The following NHSL1 variants were observed in gnomAD, a reference collection of about 807,000 sequenced individuals.
The protein encoded by NHSL1 is NHS like 1, also known as NHS-like protein 1.
NHSL1 carries 48 observed loss-of-function variants against 95.0 expected under a neutral mutation model. The observed-to-expected ratio is 0.51, with a 90% CI of 0.40 to 0.64. NHSL1 has a LOEUF of 0.64. Among genes scored for constraint, NHSL1 ranks in the 30% least tolerant of loss-of-function variants. The pLI, the probability that NHSL1 is intolerant of heterozygous loss-of-function variation, is 0.00. For synonymous variants in NHSL1, 783 were observed against 833.9 expected, an observed-to-expected ratio of 0.94 and a Z score of 1.05; for missense variants, 1,971 against 2,077.7, an observed-to-expected ratio of 0.95 and a Z score of 1.00.
intron 1 of NHSL1, among the ~76,000 whole-genome samples, chr6:138,595,666 A>T (rs1031860188): frequency 1.3e-5 from 2 of 152,248 alleles, no homozygotes; most frequent in African/African-American, 4.8e-5. Flanking sequence ...CAATTATAAA[A>T]AGATTCTCTC....
exon 1 of NHSL1, chr6:138,545,648 G>T (rs1474416751): frequency 7.8e-7 from 1 of 1,289,362 alleles, no homozygotes; most frequent in African/African-American, 1.5e-5. Flanking sequence ...TTCTGCAGCA[G>T]TTCCATGGAG....
At chr6:138,689,056 T>C (rs1358198111) in intron 1 of NHSL1, among the ~76,000 whole-genome samples, 1 of 152,224 alleles carries the variant, frequency 6.6e-6, no homozygotes, top group Non-Finnish European at 1.5e-5. Flanking sequence ...TGGCCTCAAC[T>C]GATCCACCTG....
At chr6:138,570,563 A>G (rs1172622409) in intron 1 of NHSL1, among the ~76,000 whole-genome samples, 1 of 152,232 alleles carries the variant, frequency 6.6e-6, no homozygotes, top group East Asian at 1.9e-4. Flanking sequence ...ATCTTCAAAG[A>G]TTATTAGCTA....
At chr6:138,456,474 A>C (rs1433139500) in intron 3 of NHSL1, among the ~76,000 whole-genome samples, 2 of 152,242 alleles carry the variant, frequency 1.3e-5, no homozygotes. Context: ...AACAGGAAAC[A>C]GGGAAATTTC....
At chr6:138,545,760 G>A (rs1782769220), upstream of NHSL1, 1 of 1,213,770 alleles carries the variant, frequency 8.2e-7, no homozygotes, top group Non-Finnish European at 1.0e-6. Flanking sequence ...CGGCCAGCCA[G>A]CGCCTGTTAC....
chr6:138,437,024 C>CA (rs1776147312), intron 5 of NHSL1, among the ~76,000 whole-genome samples: 1 of 152,114 alleles, frequency 6.6e-6, no homozygotes, highest in Admixed American at 6.5e-5. Context: ...GTAATCCCAA[C>CA]ACTTTGGGAG....
chr6:138,509,135 G>A (rs202176934), intron 1 of NHSL1, among the ~76,000 whole-genome samples: 12 of 152,290 alleles, frequency 7.9e-5, no homozygotes, highest in East Asian at 1.9e-4. Flanking sequence ...GAACATCTTA[G>A]AGAATACTTT....
chr6:138,681,219 A>G (rs1785507580), intron 1 of NHSL1, among the ~76,000 whole-genome samples: 1 of 152,196 alleles, frequency 6.6e-6, no homozygotes, highest in Non-Finnish European at 1.5e-5. Flanking sequence ...AGGGGAAAAT[A>G]ACATAAATTA....
At chr6:138,654,953 C>T (rs1785138485) in intron 1 of NHSL1, among the ~76,000 whole-genome samples, 1 of 152,134 alleles carries the variant, frequency 6.6e-6, no homozygotes, top group Non-Finnish European at 1.5e-5. Context: ...ACAGTGTCTG[C>T]TCTATAAGCT....
intron 1 of NHSL1, among the ~76,000 whole-genome samples, chr6:138,660,867 G>C (rs982053524): frequency 6.6e-6 from 1 of 152,066 alleles, no homozygotes. Flanking sequence ...GCTGAGGCTG[G>C]TGGACCATGA....
At chr6:138,501,667 A>T (rs1780688209), upstream of NHSL1, among the ~76,000 whole-genome samples, 6 of 152,246 alleles carry the variant, frequency 3.9e-5, no homozygotes, top group Admixed American at 3.9e-4. Context: ...CTGTAGGAAG[A>T]ATCTTGCATG....
chr6:138,501,890 A>C (rs1780700615), upstream of NHSL1, among the ~76,000 whole-genome samples: 1 of 152,222 alleles, frequency 6.6e-6, no homozygotes, highest in Non-Finnish European at 1.5e-5. Flanking sequence ...ATACAATGTA[A>C]ATGCTACGTA....
intron 1 of NHSL1, among the ~76,000 whole-genome samples, chr6:138,613,596 C>A (rs1352255864): frequency 6.6e-6 from 1 of 152,194 alleles, no homozygotes; most frequent in Non-Finnish European, 1.5e-5. Flanking sequence ...CATGGCCATG[C>A]CACCTGTCCA....
chr6:138,535,836 G>T (rs535573598), intron 1 of NHSL1, among the ~76,000 whole-genome samples: 1 of 152,282 alleles, frequency 6.6e-6, no homozygotes, highest in African/African-American at 2.4e-5. Context: ...CATTGACTAG[G>T]AATTATCGTA....
At chr6:138,627,666 G>A (rs1562396148) in intron 1 of NHSL1, among the ~76,000 whole-genome samples, 1 of 151,114 alleles carries the variant, frequency 6.6e-6, no homozygotes, top group Non-Finnish European at 1.5e-5. Context: ...GGTGGATCAC[G>A]AGGTCAGGAG....
intron 1 of NHSL1, among the ~76,000 whole-genome samples, chr6:138,583,641 C>T (rs958691900): frequency 6.6e-6 from 1 of 152,184 alleles, no homozygotes; most frequent in Non-Finnish European, 1.5e-5. Flanking sequence ...AAGCACTAAA[C>T]TGATGTTTGT....
At chr6:138,689,285 G>T (rs1785627780) in intron 1 of NHSL1, among the ~76,000 whole-genome samples, 1 of 152,060 alleles carries the variant, frequency 6.6e-6, no homozygotes, top group Admixed American at 6.5e-5. Context: ...GGTAAATGTG[G>T]TGATCGAGGT....
chr6:138,595,173 C>T (rs1186867889), intron 1 of NHSL1, among the ~76,000 whole-genome samples: 1 of 152,122 alleles, frequency 6.6e-6, no homozygotes. Context: ...TTTTTGAAAA[C>T]CATTTTCTTT....
intron 5 of NHSL1, among the ~76,000 whole-genome samples, chr6:138,437,377 T>TATATACACAC (rs1554222041): frequency 7.1e-5 from 2 of 28,346 alleles, no homozygotes; most frequent in East Asian, 2.1e-3. Flanking sequence ...TATATACACA[T>TATATACACAC]ATATATATAC....
Sources: allele counts gnomAD v4.1 joint callset (sites outside exome capture counted in the v4.1 genomes callset), GRCh38; gene constraint gnomAD v4.1.1; transcripts MANE v1.5; gene names NCBI Gene and HGNC (gene_info 2026-07-23, HGNC 2026-07-21).